Variants in MYO16 observed in about 807,000 individuals in gnomAD.
MYO16 encodes the protein myosin XVI.
MYO16 carries 94 observed loss-of-function variants against 205.3 expected under a neutral mutation model. The ratio of observed to expected loss-of-function variants is 0.46; its 90% CI spans 0.39 to 0.54. MYO16 has a LOEUF of 0.54. Ranked by LOEUF, MYO16 falls within the 20% of genes least tolerant of loss-of-function variation. The pLI is 0.00. For missense variants in MYO16, 2,315 were observed against 2,387.5 expected (o/e 0.97, Z 0.63); for synonymous variants, 988 against 954.0 (o/e 1.04, Z -0.66).
chr13:108,832,986 T>A (rs1043405016), intron 9 of MYO16, among the ~76,000 whole-genome samples: 2 of 152,148 alleles, frequency 1.3e-5, no homozygotes, highest in Non-Finnish European at 2.9e-5. Flanking sequence ...AGGGACAGAA[T>A]GATACATTCA....
At chr13:108,931,007 G>A (rs3903073) in intron 16 of MYO16, among the ~76,000 whole-genome samples, 21,711 of 152,122 alleles carry the variant, frequency 0.14, 1,949 homozygotes, top group African/African-American at 0.24. Context: ...TGAATCCAAT[G>A]AAGACACTCC....
intron 11 of MYO16, among the ~76,000 whole-genome samples, chr13:108,862,274 GT>G: frequency 6.6e-6 from 1 of 152,264 alleles, no homozygotes; most frequent in Admixed American, 6.5e-5. Flanking sequence ...GATTATTGTG[GT>G]TTTGGTTGTA....
At chr13:109,105,438 C>T (rs1889096604) in intron 28 of MYO16, among the ~76,000 whole-genome samples, 1 of 152,184 alleles carries the variant, frequency 6.6e-6, no homozygotes, top group South Asian at 2.1e-4. Context: ...TGCCATTGCA[C>T]TCCAGCCTGG....
chr13:108,942,681 G>C (rs939690446), intron 16 of MYO16, among the ~76,000 whole-genome samples: 20 of 152,072 alleles, frequency 1.3e-4, no homozygotes, highest in Non-Finnish European at 2.8e-4. Context: ...GATGTCTCTG[G>C]ATAAGCACTG....
intron 4 of MYO16, among the ~76,000 whole-genome samples, chr13:108,757,324 A>G (rs1170514733): frequency 6.6e-6 from 1 of 152,200 alleles, no homozygotes. Context: ...TGAGTTGTCT[A>G]CGGAATATTT....
upstream of MYO16, among the ~76,000 whole-genome samples, chr13:108,625,941 A>C (rs1251744843): frequency 6.6e-6 from 1 of 152,270 alleles, no homozygotes; most frequent in Non-Finnish European, 1.5e-5. Flanking sequence ...TACATTGTCC[A>C]AATAGGTTTT....
chr13:109,181,557 G>A (rs1235926988), intron 34 of MYO16, among the ~76,000 whole-genome samples: 4 of 152,128 alleles, frequency 2.6e-5, no homozygotes, highest in Non-Finnish European at 5.9e-5. Flanking sequence ...CTTTAAGGAT[G>A]TCTATATTTT....
At chr13:108,633,448 G>A (rs7139519) in intron 1 of MYO16, among the ~76,000 whole-genome samples, 10,436 of 152,248 alleles carry the variant, frequency 0.069, 502 homozygotes, top group East Asian at 0.18. Flanking sequence ...GAAGCATCCA[G>A]CATGAGAGAA....
At chr13:108,698,322 A>G (rs1883168316) in intron 2 of MYO16, among the ~76,000 whole-genome samples, 1 of 152,228 alleles carries the variant, frequency 6.6e-6, no homozygotes, top group Admixed American at 6.5e-5. Flanking sequence ...AGATATGTAC[A>G]GTGGTTATTA....
intron 32 of MYO16, among the ~76,000 whole-genome samples, chr13:109,146,216 A>G (rs1294774474): frequency 6.6e-6 from 1 of 152,218 alleles, no homozygotes; most frequent in Non-Finnish European, 1.5e-5. Flanking sequence ...ATTAATTTCA[A>G]ATATTTTATT....
chr13:108,775,260 A>T (rs1465213588), intron 4 of MYO16, among the ~76,000 whole-genome samples: 2 of 152,186 alleles, frequency 1.3e-5, no homozygotes, highest in Non-Finnish European at 2.9e-5. Flanking sequence ...TTTTTTATTC[A>T]CAGCTGAAAA....
chr13:108,702,365 A>C (rs1181603788), intron 2 of MYO16, among the ~76,000 whole-genome samples: 1 of 152,212 alleles, frequency 6.6e-6, no homozygotes, highest in Non-Finnish European at 1.5e-5. Context: ...TCTAATCAGA[A>C]ACCATGGAAG....
chr13:109,205,910 T>C (rs112800953), intron 34 of MYO16, among the ~76,000 whole-genome samples: 3,099 of 152,362 alleles, frequency 0.02, 107 homozygotes, highest in African/African-American at 0.069. Flanking sequence ...TTTGTCTCAC[T>C]GCCACCAAAT....
chr13:108,896,672 G>T (rs1402788735), intron 14 of MYO16, among the ~76,000 whole-genome samples: 15 of 152,292 alleles, frequency 9.8e-5, no homozygotes, highest in Non-Finnish European at 4.4e-5. Flanking sequence ...AAATTTAAAA[G>T]TGGGATCAAA....
intron 16 of MYO16, among the ~76,000 whole-genome samples, chr13:108,952,634 C>T (rs1883200369): frequency 6.6e-6 from 1 of 152,156 alleles, no homozygotes; most frequent in African/African-American, 2.4e-5. Flanking sequence ...CCAATGTTAA[C>T]AGTCTTCTAC....
At chr13:108,965,835 TGAG>T (rs1019405308) in intron 20 of MYO16, among the ~76,000 whole-genome samples, 14 of 152,358 alleles carry the variant, frequency 9.2e-5, no homozygotes, top group Admixed American at 9.1e-4. Context: ...AGCAGACAAT[TGAG>T]AGCACAGTCA....
chr13:109,047,517 T>C (rs974390488), intron 24 of MYO16, among the ~76,000 whole-genome samples: 2 of 152,172 alleles, frequency 1.3e-5, no homozygotes, highest in Non-Finnish European at 2.9e-5. Flanking sequence ...CATTAATACT[T>C]TATATGCATA....
At chr13:108,774,635 C>A (rs553781254) in intron 4 of MYO16, among the ~76,000 whole-genome samples, 50 of 152,048 alleles carry the variant, frequency 3.3e-4, no homozygotes, top group African/African-American at 1.1e-3. Flanking sequence ...TATTGAGCTG[C>A]ATAAGGTTTT....
At chr13:109,031,937 G>C (rs902657463) in intron 23 of MYO16, among the ~76,000 whole-genome samples, 2 of 152,140 alleles carry the variant, frequency 1.3e-5, no homozygotes, top group African/African-American at 4.8e-5. Context: ...ATACTGCCTA[G>C]ACATTGTACG....
Sources: gnomAD v4.1 joint callset for allele counts (sites outside exome capture counted in the v4.1 genomes callset) on GRCh38, gnomAD v4.1.1 for gene constraint, MANE v1.5 for transcripts, NCBI Gene and HGNC (gene_info 2026-07-23, HGNC 2026-07-21) for gene names.